SNAP91: variants seen among roughly 807,000 people sequenced by gnomAD.
SNAP91 encodes synaptosome associated protein 91, also known as clathrin coat assembly protein AP180.
SNAP91 carries 27 observed loss-of-function variants against 100.3 expected under a neutral mutation model. The observed-to-expected ratio is 0.27, with a 90% CI of 0.20 to 0.37. The LOEUF is 0.37. Ranked by LOEUF, SNAP91 falls within the 10% of genes least tolerant of loss-of-function variation. SNAP91 has a pLI of 1.00. For missense variants in SNAP91, 986 were observed against 1,123.7 expected, an observed-to-expected ratio of 0.88 and a Z score of 1.75; for synonymous variants, 404 against 398.6, an observed-to-expected ratio of 1.01 and a Z score of -0.16.
At chr6:83,556,095 G>A in intron 29 of SNAP91, 48 bp downstream of exon 29, 1 of 1,034,948 alleles carries the variant, frequency 9.7e-7, no homozygotes, top group Non-Finnish European at 1.5e-6. Context: ...GCTAAGCATT[G>A]TATAGCTCAT....
chr6:83,686,326 A>G, intron 2 of SNAP91: 1 of 258,794 alleles, frequency 3.9e-6, no homozygotes, highest in Non-Finnish European at 6.0e-6. Context: ...TAAGCTGATA[A>G]TATTTATATA....
At chr6:83,669,507 T>C (rs2098745883) in intron 2 of SNAP91, among the ~76,000 whole-genome samples, 1 of 151,982 alleles carries the variant, frequency 6.6e-6, no homozygotes, top group Non-Finnish European at 1.5e-5. Context: ...ATAGTTGATA[T>C]TAGAATTGCA....
intron 2 of SNAP91, among the ~76,000 whole-genome samples, chr6:83,674,571 C>G (rs1169770136): frequency 6.6e-6 from 1 of 152,178 alleles, no homozygotes; most frequent in Admixed American, 6.5e-5. Flanking sequence ...TATGGCCTCT[C>G]AAGTATCTTC....
intron 10 of SNAP91, among the ~76,000 whole-genome samples, chr6:83,615,644 T>C (rs2096441762): frequency 6.6e-6 from 1 of 152,198 alleles, no homozygotes; most frequent in African/African-American, 2.4e-5. Flanking sequence ...GAGCTCCTAC[T>C]ATCCATCATT....
At chr6:83,624,720 AC>A (rs2096864453) in intron 8 of SNAP91, among the ~76,000 whole-genome samples, 2 of 152,130 alleles carry the variant, frequency 1.3e-5, no homozygotes, top group South Asian at 4.1e-4. Flanking sequence ...TAACAAAAAA[AC>A]ATCTCTAAAT....
In SNAP91 at chr6:83,636,931, G is replaced by T. The variant is rs2097480495; in HGVS notation, c.765+4165C>A. The stretch of plus-strand genomic sequence containing the variant: ...TTCTGAGCGCTTTCAGAGGGTCAAG[G>T]CTCTGTTCTAGGTTCTGAGGTTATA... On this transcript the variant is annotated intron_variant, in intron 8 of 29. Transcript: ENST00000369694. Among the ~76,000 whole-genome samples the T allele has an allele frequency of 2.0e-5, 3 of 152,142 alleles. No homozygotes were observed. The South Asian group carries it at 6.2e-4, about 32-fold the overall frequency.
intron 8 of SNAP91, among the ~76,000 whole-genome samples, chr6:83,627,531 C>T (rs1465415780): frequency 6.6e-6 from 1 of 151,956 alleles, no homozygotes. Context: ...AGTTGCAGAA[C>T]TTGAAAGACC....
At position 83,560,214 on chromosome 6, in the gene SNAP91, G is replaced by C; in HGVS notation, c.2527-6C>G. On this transcript the variant is annotated splice_polypyrimidine_tract_variant and splice_region_variant and intron_variant, in intron 27 of 29. Transcript: ENST00000369694. ...ATGCCTGTCCCAGCAGGAGGCTGAG[G>C]AGGAAGAATGGAGAGTGGTTCAGAG... 1 of 1,611,134 alleles carries C rather than the reference G, an allele frequency of 6.2e-7. No individual in the cohort carries two copies. Among genetic ancestry groups the C allele is most frequent in the Non-Finnish European group, 8.5e-7 (1 of 1,177,566 alleles).
At chr6:83,577,105 G>T (rs1027060510) in intron 24 of SNAP91, among the ~76,000 whole-genome samples, 13 of 152,148 alleles carry the variant, frequency 8.5e-5, no homozygotes, top group African/African-American at 2.2e-4. Flanking sequence ...TGGGGCCAGA[G>T]AATATTATAC....
intron 10 of SNAP91, among the ~76,000 whole-genome samples, chr6:83,615,255 A>T (rs1249592058): frequency 6.6e-6 from 1 of 152,170 alleles, no homozygotes; most frequent in African/African-American, 2.4e-5. Flanking sequence ...AACAAAAAAC[A>T]AGGGAAGGGT....
intron 29 of SNAP91, among the ~76,000 whole-genome samples, chr6:83,555,802 T>A (rs959884840): frequency 4.6e-5 from 7 of 152,158 alleles, no homozygotes; most frequent in African/African-American, 1.7e-4. Context: ...AATGCAATAG[T>A]ATAAATGTTA....
At chr6:83,672,706 A>T (rs1268248126) in intron 2 of SNAP91, among the ~76,000 whole-genome samples, 1 of 152,196 alleles carries the variant, frequency 6.6e-6, no homozygotes, top group Non-Finnish European at 1.5e-5. Context: ...ATACTTTCAT[A>T]CTAAAATTAA....
At chr6:83,642,341 C>G (rs555167226) in intron 7 of SNAP91, among the ~76,000 whole-genome samples, 22 of 152,206 alleles carry the variant, frequency 1.4e-4, no homozygotes, top group African/African-American at 5.3e-4. Context: ...CCTCCCACCT[C>G]CCCTCACCCC....
At chr6:83,689,889 C>A (rs2099109456) in intron 2 of SNAP91, among the ~76,000 whole-genome samples, 1 of 151,908 alleles carries the variant, frequency 6.6e-6, no homozygotes, top group Non-Finnish European at 1.5e-5. Flanking sequence ...AACTCTTTAC[C>A]TTTTTCTCAA....
At position 83,592,544 on chromosome 6, in the gene SNAP91, G is replaced by GT. The variant is rs750179855; in HGVS notation, c.1847-7dup. ...TGGTGCTGCAAATGCATCCACTGCA[G>GT]TGAAGCACAGACAGGAAAAAGTGCA... is the stretch of plus-strand genomic sequence containing the variant. On this transcript the variant is annotated splice_region_variant and splice_polypyrimidine_tract_variant and intron_variant, in intron 20 of 29. Transcript: ENST00000369694. The GT allele has an allele frequency of 1.2e-6, 2 of 1,601,714 alleles. No homozygotes were observed. Among genetic ancestry groups the GT allele is most frequent in the Admixed American group, 3.4e-5 (2 of 58,680 alleles).
At chr6:83,628,177 G>A (rs890317528) in intron 8 of SNAP91, among the ~76,000 whole-genome samples, 1 of 147,234 alleles carries the variant, frequency 6.8e-6, no homozygotes, top group Admixed American at 7.1e-5. Flanking sequence ...CACTGCAAAT[G>A]CCACTAACTC....
intron 2 of SNAP91, among the ~76,000 whole-genome samples, chr6:83,680,956 T>A (rs2098980585): frequency 6.6e-6 from 1 of 152,148 alleles, no homozygotes; most frequent in African/African-American, 2.4e-5. Flanking sequence ...GTTTTGGTTG[T>A]GGCCAAATGA....
At chr6:83,660,712 C>T (rs1217594672) in intron 5 of SNAP91, among the ~76,000 whole-genome samples, 9 of 151,676 alleles carry the variant, frequency 5.9e-5, no homozygotes, top group Admixed American at 5.9e-4. Flanking sequence ...TCTCTCAAAA[C>T]CAGATCAAAG....
chr6:83,668,412 A>G (rs1279207318), intron 2 of SNAP91, among the ~76,000 whole-genome samples: 2 of 152,198 alleles, frequency 1.3e-5, no homozygotes. Context: ...TCACAATAGC[A>G]AAGACATGGA....
Sources: allele counts gnomAD v4.1 joint callset (sites outside exome capture counted in the v4.1 genomes callset), GRCh38; gene constraint gnomAD v4.1.1; transcripts MANE v1.5; gene names NCBI Gene and HGNC (gene_info 2026-07-23, HGNC 2026-07-21).